COTL1: variants seen among roughly 807,000 people sequenced by gnomAD.
The protein encoded by COTL1 is coactosin-like protein.
A neutral mutation model predicts 16.5 loss-of-function variants in COTL1; 15 were observed. That is an observed-to-expected ratio of 0.91 (90% CI 0.61 to 1.40). The LOEUF (loss-of-function observed/expected upper bound fraction) is 1.40, where lower values mean the gene tolerates loss of function less well. COTL1 is among the 40% of genes most tolerant of loss of function. COTL1 has a pLI of 0.00. For synonymous variants in COTL1, 112 were observed against 85.3 expected, an observed-to-expected ratio of 1.31 and a Z score of -1.73; for missense variants, 220 against 201.5, an observed-to-expected ratio of 1.09 and a Z score of -0.56.
At chr16:84,612,208 G>C (rs1447466598) in intron 2 of COTL1, among the ~76,000 whole-genome samples, 1 of 152,152 alleles carries the variant, frequency 6.6e-6, no homozygotes, top group African/African-American at 2.4e-5. Flanking sequence ...ACTGTAGCAG[G>C]TTACCAGATG....
At chr16:84,582,789 G>C (rs16974207) in intron 3 of COTL1, among the ~76,000 whole-genome samples, 3,736 of 152,158 alleles carry the variant, frequency 0.025, 120 homozygotes, top group African/African-American at 0.084. Context: ...TTTTTCCTAA[G>C]TGAAAACACA....
chr16:84,571,716 A>G (rs766132687), intron 3 of COTL1, among the ~76,000 whole-genome samples: 2 of 152,114 alleles, frequency 1.3e-5, no homozygotes, highest in African/African-American at 2.4e-5. Flanking sequence ...GCACGGGCCC[A>G]TTGCCTGGAC....
Position 84,590,295 on chromosome 16 carries a change from T to C in COTL1, c.161-33A>G. 2 of 1,607,268 alleles carry C rather than the reference T, an allele frequency of 1.2e-6. No individual in the cohort carries two copies. On this transcript the variant is annotated intron_variant, in intron 2 of 3. Transcript: ENST00000262428. The surrounding 1 kb of genome is among the most constrained non-coding windows in gnomAD (Gnocchi z 5.5). ...CAAAAGCGAAAAGAGAACATGGTGC[T>C]GCGTTAAAACACCCCCATGTCATGT...
intron 2 of COTL1, among the ~76,000 whole-genome samples, chr16:84,615,605 G>A (rs941523974): frequency 6.6e-6 from 1 of 152,160 alleles, no homozygotes; most frequent in African/African-American, 2.4e-5. Flanking sequence ...CCTCAGAGCC[G>A]GCAAAGCAGA....
At chr16:84,591,189 T>C (rs973023366) in intron 2 of COTL1, among the ~76,000 whole-genome samples, 2 of 151,344 alleles carry the variant, frequency 1.3e-5, no homozygotes, top group East Asian at 1.9e-4. Context: ...CTGGAATTTT[T>C]TTTTTTTTTT....
rs143097277 is a variant in COTL1, at chr16:84,593,845, C to A, written c.161-3583G>T. Reference sequence around the variant, plus strand: ...CCAATTCAGTGGCTTTAAGGACACTCACAATGTTGTGCCATCATCGCTACT... The same window carrying A: ...CCAATTCAGTGGCTTTAAGGACACTAACAATGTTGTGCCATCATCGCTACT... On this transcript the variant is annotated intron_variant, in intron 2 of 3. Transcript: ENST00000262428. Among the ~76,000 whole-genome samples the A allele has an allele frequency of 6.1e-4, 93 of 152,330 alleles. 2 individuals carry two copies. The East Asian group carries it at 0.016, about 27-fold the overall frequency.
chr16:84,604,667 G>A (rs1171505860), intron 2 of COTL1, among the ~76,000 whole-genome samples: 1 of 152,130 alleles, frequency 6.6e-6, no homozygotes, highest in Non-Finnish European at 1.5e-5. Context: ...GAGAGCTGCA[G>A]GGTGGACACA....
intron 3 of COTL1, among the ~76,000 whole-genome samples, chr16:84,573,330 G>A (rs1003247937): frequency 6.6e-6 from 1 of 152,222 alleles, no homozygotes; most frequent in African/African-American, 2.4e-5. Context: ...AACAGCGCAG[G>A]TCTAGACAGA....
chr16:84,614,098 G>T (rs1042940538), intron 2 of COTL1, among the ~76,000 whole-genome samples: 1 of 152,254 alleles, frequency 6.6e-6, no homozygotes, highest in Non-Finnish European at 1.5e-5. Flanking sequence ...AGTCTTTGCT[G>T]CTGCTAGGAC....
At chr16:84,567,211 C>T (rs1049430547) in intron 3 of COTL1, 2 of 392,232 alleles carry the variant, frequency 5.1e-6, no homozygotes, top group Non-Finnish European at 9.3e-6. Context: ...TTCCCATGTC[C>T]GTGGGGATGG....
intron 3 of COTL1, among the ~76,000 whole-genome samples, chr16:84,578,008 C>A (rs1904491086): frequency 6.6e-6 from 1 of 152,100 alleles, no homozygotes; most frequent in South Asian, 2.1e-4. Flanking sequence ...TTCATCTAGA[C>A]CAGGCATGGA....
chr16:84,567,263 C>CG (rs1904302987), intron 3 of COTL1: 1 of 278,554 alleles, frequency 3.6e-6, no homozygotes. Flanking sequence ...TTACCTTGGC[C>CG]AAGTCCCTTC....
chr16:84,595,762 A>G (rs1904987377), intron 2 of COTL1: 1 of 152,110 alleles, frequency 6.6e-6, no homozygotes, highest in African/African-American at 2.4e-5. Flanking sequence ...ATATATACAT[A>G]TATTTGTGTG....
chr16:84,586,845 C>A (rs1904744700), intron 3 of COTL1, among the ~76,000 whole-genome samples: 1 of 152,038 alleles, frequency 6.6e-6, no homozygotes, highest in Admixed American at 6.6e-5. Flanking sequence ...CTGCCTTGGT[C>A]TCCCAAGGTG....
intron 3 of COTL1, among the ~76,000 whole-genome samples, chr16:84,574,239 G>A (rs778392732): frequency 4.1e-4 from 62 of 152,308 alleles, no homozygotes; most frequent in South Asian, 2.7e-3. Context: ...CTTCCCGGCA[G>A]GGCCCTGGGG....
At chr16:84,596,749 T>A (rs1203598908) in intron 2 of COTL1, 1 of 152,562 alleles carries the variant, frequency 6.6e-6, no homozygotes, top group African/African-American at 2.4e-5. Flanking sequence ...TTCCACCTCA[T>A]CCTCTCCTTT....
intron 3 of COTL1, among the ~76,000 whole-genome samples, chr16:84,581,056 C>T (rs953530276): frequency 1.3e-5 from 2 of 151,768 alleles, no homozygotes; most frequent in East Asian, 1.9e-4. Flanking sequence ...GCAGGAGAAT[C>T]GCCTGAACCC....
At chr16:84,591,770 G>C (rs184225039) in intron 2 of COTL1, among the ~76,000 whole-genome samples, 6 of 150,088 alleles carry the variant, frequency 4.0e-5, no homozygotes, top group African/African-American at 1.5e-4. Flanking sequence ...CTGCAGTTGA[G>C]TAGAGATTAC....
chr16:84,609,832 C>T (rs907968772), intron 2 of COTL1, among the ~76,000 whole-genome samples: 1 of 152,188 alleles, frequency 6.6e-6, no homozygotes, highest in Admixed American at 6.5e-5. Flanking sequence ...TGTTTGCTTC[C>T]CCTTTTGCCA....
Sources: gnomAD v4.1 joint callset for allele counts (sites outside exome capture counted in the v4.1 genomes callset) on GRCh38, gnomAD v4.1.1 for gene constraint, Gnocchi (gnomAD v3.1) non-coding constraint, MANE v1.5 for transcripts, NCBI Gene and HGNC (gene_info 2026-07-23, HGNC 2026-07-21) for gene names.